Variants in ZNRF3 observed in about 807,000 individuals in gnomAD.
ZNRF3 encodes E3 ubiquitin-protein ligase ZNRF3.
Under a neutral mutation model 72.5 loss-of-function variants are expected in ZNRF3, and 23 were observed. The observed-to-expected ratio is 0.32, with a 90% CI of 0.23 to 0.45. ZNRF3 has a LOEUF of 0.45. Among genes scored for constraint, ZNRF3 ranks in the 20% least tolerant of loss-of-function variants. ZNRF3 has a pLI of 1.00. For missense variants in ZNRF3, 1,169 were observed against 1,272.1 expected (o/e 0.92, Z 1.23); for synonymous variants, 610 against 545.3 (o/e 1.12, Z -1.65).
chr22:28,974,721 C>T (rs1421711547), intron 1 of ZNRF3, among the ~76,000 whole-genome samples: 1 of 152,240 alleles, frequency 6.6e-6, no homozygotes, highest in Non-Finnish European at 1.5e-5. Flanking sequence ...TCCTAGCTCA[C>T]TGCAGCCTCA....
intron 1 of ZNRF3, among the ~76,000 whole-genome samples, chr22:28,957,962 C>T (rs1169821051): frequency 6.6e-6 from 1 of 151,704 alleles, no homozygotes; most frequent in Admixed American, 6.6e-5. Flanking sequence ...CCGAGGCGGG[C>T]GGATCACAAG....
At chr22:28,975,552 C>T (rs2123817217) in intron 1 of ZNRF3, among the ~76,000 whole-genome samples, 1 of 139,358 alleles carries the variant, frequency 7.2e-6, no homozygotes, top group East Asian at 2.1e-4. Flanking sequence ...GCCTGGCCAA[C>T]ATGATGAAAC....
intron 1 of ZNRF3, among the ~76,000 whole-genome samples, chr22:28,904,216 G>A (rs2034162490): frequency 6.6e-6 from 1 of 152,178 alleles, no homozygotes; most frequent in Non-Finnish European, 1.5e-5. Context: ...CAGCTTTGAA[G>A]TCCTAAGGTG....
intron 1 of ZNRF3, among the ~76,000 whole-genome samples, chr22:28,965,195 G>A (rs970709639): frequency 3.3e-5 from 5 of 152,136 alleles, no homozygotes; most frequent in African/African-American, 1.2e-4. Context: ...AGCCACACAC[G>A]AGGACACTAA....
At chr22:28,959,644 C>G (rs990036929) in intron 1 of ZNRF3, among the ~76,000 whole-genome samples, 1 of 152,190 alleles carries the variant, frequency 6.6e-6, no homozygotes, top group Non-Finnish European at 1.5e-5. Context: ...ACCGAATATT[C>G]ATTTCATTTC....
chr22:28,917,952 C>T (rs1224055746), intron 1 of ZNRF3, among the ~76,000 whole-genome samples: 2 of 152,176 alleles, frequency 1.3e-5, no homozygotes, highest in Non-Finnish European at 2.9e-5. Context: ...GAGCAGTGCT[C>T]AAGAGGCCTG....
chr22:28,944,368 A>G (rs1447441582), intron 1 of ZNRF3, among the ~76,000 whole-genome samples: 1 of 152,152 alleles, frequency 6.6e-6, no homozygotes, highest in Non-Finnish European at 1.5e-5. Context: ...CACACCTGTA[A>G]TCCTAGCACT....
intron 2 of ZNRF3, among the ~76,000 whole-genome samples, chr22:29,040,486 C>G (rs1361871220): frequency 6.6e-6 from 1 of 152,052 alleles, no homozygotes; most frequent in Non-Finnish European, 1.5e-5. Flanking sequence ...CAGCCATCCC[C>G]CACCGCCTTT....
chr22:29,017,017 T>A (rs548104493), intron 2 of ZNRF3, among the ~76,000 whole-genome samples: 4 of 152,194 alleles, frequency 2.6e-5, no homozygotes, highest in Non-Finnish European at 5.9e-5. Flanking sequence ...AACCATTGAG[T>A]GTCAAAGACA....
At chr22:28,985,708 GCC>G (rs1474539339) in intron 1 of ZNRF3, among the ~76,000 whole-genome samples, 13 of 152,190 alleles carry the variant, frequency 8.5e-5, no homozygotes, top group Non-Finnish European at 1.8e-4. Context: ...TCTTGGAAAA[GCC>G]ACTTATCTTG....
At position 29,043,490 on chromosome 22, in the gene ZNRF3, T is replaced by C. The variant is rs1468919537; in HGVS notation, c.633+60T>C. 4 of 1,591,042 alleles carry C rather than the reference T, an allele frequency of 2.5e-6. No homozygotes were observed. In the East Asian group the frequency reaches 9.0e-5, roughly 36 times the overall value. On this transcript the variant is annotated intron_variant, in intron 4 of 8. Transcript: ENST00000544604. Reference sequence around the variant, plus strand: ...CCTTCTCTGCTACTACCTGTCCCTTTATTTCCCTTGGGCTTTCATTCCTAT... The same window carrying C: ...CCTTCTCTGCTACTACCTGTCCCTTCATTTCCCTTGGGCTTTCATTCCTAT...
chr22:29,001,243 G>A (rs1019195613), intron 2 of ZNRF3, among the ~76,000 whole-genome samples: 2 of 150,670 alleles, frequency 1.3e-5, no homozygotes, highest in East Asian at 2.0e-4. Context: ...TAATTTTTTT[G>A]TATTTTTAGT....
intron 1 of ZNRF3, among the ~76,000 whole-genome samples, chr22:28,914,076 A>G (rs1601551756): frequency 1.3e-5 from 2 of 152,168 alleles, no homozygotes; most frequent in Admixed American, 1.3e-4. Flanking sequence ...GATGTATTTG[A>G]TCCCAGAACT....
At chr22:28,935,788 C>T (rs2034808240) in intron 1 of ZNRF3, among the ~76,000 whole-genome samples, 1 of 152,020 alleles carries the variant, frequency 6.6e-6, no homozygotes, top group African/African-American at 2.4e-5. Flanking sequence ...GATCACTTTC[C>T]CCAGCAGCAA....
chr22:29,050,113 C>G lies in ZNRF3; in HGVS notation c.1932C>G (p.Gly644=). Residue 644 remains glycine (G), a synonymous_variant, in exon 8 of 9, where the codon GGC becomes GGG. Transcript: ENST00000544604. ...PAVHSHGAGR[G]EPWPGPASPS... is the part of the protein sequence containing the mutation. ...TGCACAGTCATGGTGCTGGGCGGGG[C>G]GAGCCTTGGCCGGGCCCTGCCTCTC... is the stretch of plus-strand genomic sequence containing the variant. 1 of 1,607,146 alleles carries G rather than the reference C, an allele frequency of 6.2e-7. No homozygotes were observed. The highest frequency in any genetic ancestry group is 8.5e-7 in the Non-Finnish European group (1 of 1,179,612).
chr22:29,027,483 A>G (rs1025068147), intron 2 of ZNRF3, among the ~76,000 whole-genome samples: 2 of 152,080 alleles, frequency 1.3e-5, no homozygotes, highest in Non-Finnish European at 2.9e-5. Flanking sequence ...TCCTGACCTC[A>G]GGTTATCTGC....
At chr22:28,968,808 T>C (rs1033369016) in intron 1 of ZNRF3, among the ~76,000 whole-genome samples, 5 of 152,162 alleles carry the variant, frequency 3.3e-5, no homozygotes, top group Non-Finnish European at 7.3e-5. Context: ...CTTGAGTTAG[T>C]TTTCTTTTGG....
intron 1 of ZNRF3, among the ~76,000 whole-genome samples, chr22:28,961,900 TA>T (rs2035367377): frequency 6.6e-6 from 1 of 152,214 alleles, no homozygotes; most frequent in South Asian, 2.1e-4. Flanking sequence ...GTACTGCTAT[TA>T]AAAACTAAAT....
intron 2 of ZNRF3, chr22:29,031,679 C>CA (rs2036760682): frequency 1.0e-6 from 1 of 971,018 alleles, no homozygotes; most frequent in African/African-American, 1.8e-5. Flanking sequence ...AGGGGGATAA[C>CA]AGGACTCAAA....
Sources: gnomAD v4.1 joint callset for allele counts (sites outside exome capture counted in the v4.1 genomes callset) on GRCh38, gnomAD v4.1.1 for gene constraint, MANE v1.5 for transcripts, NCBI Gene and HGNC (gene_info 2026-07-23, HGNC 2026-07-21) for gene names.